The following SUPT20H variants were observed in gnomAD, a reference collection of about 807,000 sequenced individuals.
The protein encoded by SUPT20H is SPT20 homolog, SAGA complex component, also known as transcription factor SPT20 homolog.
SUPT20H carries 82 observed loss-of-function variants against 122.8 expected under a neutral mutation model. The ratio of observed to expected loss-of-function variants is 0.67; its 90% CI spans 0.56 to 0.80. The LOEUF (loss-of-function observed/expected upper bound fraction) is 0.80. Among genes scored for constraint, SUPT20H ranks in the 30% least tolerant of loss-of-function variants. The pLI is 0.00. For synonymous variants in SUPT20H, 291 were observed against 313.0 expected, an observed-to-expected ratio of 0.93 and a Z score of 0.74; for missense variants, 831 against 921.6, an observed-to-expected ratio of 0.90 and a Z score of 1.27.
At chr13:37,046,639 T>C (rs1260626827) in intron 5 of SUPT20H, among the ~76,000 whole-genome samples, 4 of 152,196 alleles carry the variant, frequency 2.6e-5, no homozygotes, top group Admixed American at 1.3e-4. Context: ...AATCTTCATA[T>C]ATGTAGCTCT....
At chr13:37,049,177 G>C (rs1338711149) in intron 2 of SUPT20H, among the ~76,000 whole-genome samples, 1 of 151,912 alleles carries the variant, frequency 6.6e-6, no homozygotes, top group African/African-American at 2.4e-5. Flanking sequence ...ATAACATTAA[G>C]ACAGAAAAAA....
intron 17 of SUPT20H, 160 bp from the exon 18 acceptor site, chr13:37,024,602 A>T: frequency 2.3e-6 from 1 of 443,872 alleles, no homozygotes; most frequent in Non-Finnish European, 3.9e-6. Context: ...TACAGATTGA[A>T]TACTATATGT....
At chr13:37,029,266 T>C (rs1594164548) in intron 13 of SUPT20H, among the ~76,000 whole-genome samples, 1 of 152,208 alleles carries the variant, frequency 6.6e-6, no homozygotes, top group African/African-American at 2.4e-5. Flanking sequence ...CAGTGGCTCA[T>C]GCCTGTAATC....
chr13:37,036,499 A>G (rs1162066373), intron 9 of SUPT20H, among the ~76,000 whole-genome samples: 1 of 151,872 alleles, frequency 6.6e-6, no homozygotes, highest in African/African-American at 2.4e-5. Flanking sequence ...TAATTTCTGT[A>G]TTTTTAGAGA....
chr13:37,021,776 A>C (rs925834859), intron 20 of SUPT20H, among the ~76,000 whole-genome samples, 174 bp from the exon 21 acceptor site: 1 of 152,200 alleles, frequency 6.6e-6, no homozygotes, highest in Non-Finnish European at 1.5e-5. Flanking sequence ...GCTGCTGTCA[A>C]GATGAAGTAT....
chr13:37,013,527 A>C (rs2059943053), intron 23 of SUPT20H: 1 of 151,888 alleles, frequency 6.6e-6, no homozygotes, highest in Admixed American at 6.6e-5. Flanking sequence ...AAACTATAAA[A>C]CTGTTAGAAA....
In SUPT20H at chr13:37,028,176, C is replaced by T. The variant is rs1423387805; in HGVS notation, c.1123G>A (p.Glu375Lys). ...GATGGAGACATCTGGCTGTCACTTT[C>T]TTCATCTGCTTTACATGGCTGTATT... ...GKIQPCKADE[E>K]SDSQMSPSHS... The change falls in exon 14 of 26, where the codon GAA (glutamate) becomes AAA (lysine). Residue 375 changes from glutamate (E) to lysine (K), a missense_variant. Physicochemically the swap from Glu to Lys is moderately conservative, Grantham distance 56. Coordinates refer to ENST00000350612, the MANE Select transcript of SUPT20H (RefSeq NM_001014286.3). 6.2e-7 allele frequency: 1 copy of T among 1,608,880 alleles called. No individual in the cohort carries two copies. Among genetic ancestry groups the T allele is most frequent in the Non-Finnish European group, 8.5e-7 (1 of 1,178,104 alleles).
rs2061597955 is a variant in SUPT20H at position 37,022,712 on chromosome 13, A to G, written c.1592-632T>C. 5.1e-6 allele frequency: 5 copies of G among 988,718 alleles called. No individual in the cohort carries two copies. The highest frequency in any genetic ancestry group is 6.0e-6 in the Non-Finnish European group (5 of 829,722). The allele number at this position is 988,718 out of a possible 1,614,324, so 61.2% of individuals were successfully genotyped here. A position where few individuals can be genotyped will look rare whatever the true frequency, so the allele number is the denominator to read the frequency against. On this transcript the variant is annotated intron_variant, in intron 19 of 25. Transcript: ENST00000350612. The surrounding 1 kb of genome is among the most constrained non-coding windows in gnomAD (Gnocchi z 4.5). The stretch of plus-strand genomic sequence containing the variant: ...TTAAAAATATTGCTTATTTAGTGTA[A>G]AAGTCTGAGATAAACTGTAAACATA...
chr13:37,016,538 T>C (rs2060538539), intron 23 of SUPT20H, among the ~76,000 whole-genome samples: 1 of 152,184 alleles, frequency 6.6e-6, no homozygotes, highest in South Asian at 2.1e-4. Context: ...TTAATGTGTT[T>C]AGAATGAAAA....
intron 24 of SUPT20H, among the ~76,000 whole-genome samples, chr13:37,011,485 A>G (rs979241847): frequency 1.3e-5 from 2 of 152,232 alleles, no homozygotes; most frequent in African/African-American, 4.8e-5. Flanking sequence ...GCCCACAGTG[A>G]TAAGATGCTG....
At chr13:37,028,390 A>ATGTTACT in intron 13 of SUPT20H, 85 bp from the exon 14 acceptor site, 16 of 1,247,872 alleles carry the variant, frequency 1.3e-5, no homozygotes, top group Non-Finnish European at 1.7e-5. Flanking sequence ...TAAATGATAC[A>ATGTTACT]GTAACATGTA....
chr13:37,010,581 CAG>C lies in SUPT20H; in HGVS notation c.2171_2172del (p.Ser724CysfsTer44), dbSNP rs1449183764. The stretch of plus-strand genomic sequence containing the variant: ...ATCTGTTGCTGCTGCTGTTGAAAGG[CAG>C]AGGAGAGCTGGAATCTCTGCTGAGG... The part of the protein sequence containing the change: ...SLPQQRFQLS[S>X]AFQQQQQQIQ... On this transcript the variant is annotated frameshift_variant, in exon 25 of 26. Coordinates refer to ENST00000350612, the MANE Select transcript of SUPT20H (RefSeq NM_001014286.3). LOFTEE classifies it high-confidence loss of function. The C allele has an allele frequency of 6.2e-7, 1 of 1,613,678 alleles. No homozygotes were observed. Among genetic ancestry groups the C allele is most frequent in the Non-Finnish European group, 8.5e-7 (1 of 1,179,882 alleles).
At chr13:37,055,703 G>A (rs1195555835) in intron 1 of SUPT20H, among the ~76,000 whole-genome samples, 10 of 152,108 alleles carry the variant, frequency 6.6e-5, no homozygotes, top group South Asian at 2.1e-4. Context: ...GGACATAGGC[G>A]AGGGCAAGGA....
At chr13:37,023,278 A>G (rs1370066885) in intron 19 of SUPT20H, among the ~76,000 whole-genome samples, 2 of 152,168 alleles carry the variant, frequency 1.3e-5, no homozygotes. Flanking sequence ...AGACCACCCT[A>G]TCACTGTGCA....
At chr13:37,058,288 C>G (rs764657551) in intron 1 of SUPT20H, among the ~76,000 whole-genome samples, 20 of 152,036 alleles carry the variant, frequency 1.3e-4, no homozygotes, top group Non-Finnish European at 2.1e-4. Context: ...ATGGACTAAC[C>G]TCCTAATACA....
At chr13:37,052,423 A>C (rs1392417620) in intron 1 of SUPT20H, among the ~76,000 whole-genome samples, 1 of 152,216 alleles carries the variant, frequency 6.6e-6, no homozygotes, top group Non-Finnish European at 1.5e-5. Flanking sequence ...AGCAATGGGG[A>C]GAGGATTCCC....
intron 20 of SUPT20H, 55 bp from the exon 21 acceptor site, chr13:37,021,657 C>T: frequency 2.6e-6 from 4 of 1,523,740 alleles, no homozygotes; most frequent in Non-Finnish European, 3.5e-6. Flanking sequence ...AAAAATCAGC[C>T]ACACAATTCC....
intron 2 of SUPT20H, among the ~76,000 whole-genome samples, chr13:37,049,510 C>T (rs1345300487): frequency 2.6e-5 from 4 of 152,018 alleles, no homozygotes; most frequent in South Asian, 2.1e-4. Context: ...GAGGCTGAGG[C>T]GGGAGGATCA....
intron 6 of SUPT20H, among the ~76,000 whole-genome samples, 158 bp downstream of exon 6, chr13:37,045,089 T>C (rs557359907): frequency 5.7e-4 from 87 of 152,192 alleles, no homozygotes; most frequent in African/African-American, 2.0e-3. Flanking sequence ...CCAAAACATA[T>C]CATAAGGAAG....
Sources: gnomAD v4.1 joint callset for allele counts (sites outside exome capture counted in the v4.1 genomes callset) on GRCh38, gnomAD v4.1.1 for gene constraint, Gnocchi (gnomAD v3.1) non-coding constraint, MANE v1.5 for transcripts, NCBI Gene and HGNC (gene_info 2026-07-23, HGNC 2026-07-21) for gene names.